MAML1: variants seen among roughly 807,000 people sequenced by gnomAD.
MAML1 encodes mastermind like transcriptional coactivator 1, also known as mastermind-like protein 1.
Under a neutral mutation model 77.1 loss-of-function variants are expected in MAML1, and 14 were observed. The observed-to-expected ratio is 0.18, with a 90% CI of 0.12 to 0.28. The LOEUF is 0.28. Ranked by LOEUF, MAML1 falls within the 10% of genes least tolerant of loss-of-function variation. MAML1 has a pLI of 1.00. For synonymous variants in MAML1, 516 were observed against 551.9 expected (o/e 0.93, Z 0.91); for missense variants, 1,217 against 1,327.8 (o/e 0.92, Z 1.30).
intron 1 of MAML1, among the ~76,000 whole-genome samples, chr5:179,738,808 T>C (rs1376558589): frequency 2.0e-5 from 3 of 150,304 alleles, no homozygotes; most frequent in Non-Finnish European, 4.4e-5. Flanking sequence ...GGAGACAGGG[T>C]CTCACTGTGT....
At chr5:179,738,191 T>G (rs969308697) in intron 1 of MAML1, among the ~76,000 whole-genome samples, 4 of 152,172 alleles carry the variant, frequency 2.6e-5, no homozygotes, top group African/African-American at 9.7e-5. Flanking sequence ...TTGCACATTC[T>G]CTCTCTCCCA....
At position 179,774,565 on chromosome 5, in the gene MAML1, C is replaced by T. The variant is rs1300450168; in HGVS notation, c.2739C>T (p.Ser913=). The T allele has an allele frequency of 7.4e-6, 12 of 1,612,448 alleles. No individual in the cohort carries two copies. Among genetic ancestry groups the T allele is most frequent in the Middle Eastern group, 1.6e-4 (1 of 6,078 alleles). ...LPPVSAQQRT[S]APAPAPPPTA... ...CAGTGAGTGCACAGCAGAGGACCAG[C>T]GCCCCTGCCCCAGCACCACCCCCAA... is the stretch of plus-strand genomic sequence containing the variant. The change falls in exon 5 of 5, where the codon AGC becomes AGT. Residue 913 remains serine (S), a synonymous_variant. Coordinates refer to ENST00000292599, the MANE Select transcript of MAML1 (RefSeq NM_014757.5).
chr5:179,745,859 CAAAAAAAA>C (rs36036714), intron 1 of MAML1, among the ~76,000 whole-genome samples: 1,456 of 63,466 alleles, frequency 0.023, 31 homozygotes, highest in African/African-American at 0.075. Flanking sequence ...AACTCCGTCT[CAAAAAAAA>C]AAAAAAAAAA....
intron 1 of MAML1, among the ~76,000 whole-genome samples, chr5:179,746,272 G>GGAGGCT (rs755124470): frequency 3.3e-5 from 5 of 152,026 alleles, no homozygotes; most frequent in Non-Finnish European, 7.4e-5. Context: ...CTTGAACCTG[G>GGAGGCT]GAGGCAGAGA....
chr5:179,761,327 G>C (rs1246913468), intron 1 of MAML1, among the ~76,000 whole-genome samples: 1 of 152,074 alleles, frequency 6.6e-6, no homozygotes, highest in Non-Finnish European at 1.5e-5. Context: ...CCAGGAGTTT[G>C]AGGCTGCCAT....
chr5:179,758,346 A>T (rs2113365009), intron 1 of MAML1, among the ~76,000 whole-genome samples: 1 of 151,622 alleles, frequency 6.6e-6, no homozygotes, highest in Admixed American at 6.6e-5. Context: ...TTTTACTAGC[A>T]GGAATTTTAG....
At chr5:179,759,660 T>A (rs1779688641) in intron 1 of MAML1, among the ~76,000 whole-genome samples, 1 of 152,198 alleles carries the variant, frequency 6.6e-6, no homozygotes, top group African/African-American at 2.4e-5. Context: ...ATACAGGGAC[T>A]GGGAGAGAAA....
chr5:179,766,411 G>T lies in MAML1; in HGVS notation c.1401G>T (p.Met467Ile). Residue 467 changes from methionine (M) to isoleucine (I), a missense_variant, in exon 2 of 5, where the codon ATG becomes ATT. Physicochemically the swap from Met to Ile is conservative, Grantham distance 10. Coordinates refer to ENST00000292599, the MANE Select transcript of MAML1 (RefSeq NM_014757.5). This position sits in a 1 kb window ranked among gnomAD's most constrained non-coding sequence, Gnocchi z 4.0. ...QDFTNSKLLM[M>I]PSVNKSSPRP... ...TCACTAACTCCAAACTGCTCATGATGCCTAGTGTGAATAAGAGTTCCCCTC... is the reference window on the plus strand; with the variant it reads ...TCACTAACTCCAAACTGCTCATGATTCCTAGTGTGAATAAGAGTTCCCCTC... 1 of 1,612,782 alleles carries T rather than the reference G, an allele frequency of 6.2e-7. No homozygotes were observed. The highest frequency in any genetic ancestry group is 8.5e-7 in the Non-Finnish European group (1 of 1,179,322).
intron 1 of MAML1, among the ~76,000 whole-genome samples, chr5:179,758,049 G>A (rs1413663820): frequency 6.6e-6 from 1 of 152,216 alleles, no homozygotes; most frequent in Non-Finnish European, 1.5e-5. Context: ...GGTGAAGGGT[G>A]CACAGGACCT....
At chr5:179,744,444 C>T (rs1318307324) in intron 1 of MAML1, among the ~76,000 whole-genome samples, 1 of 152,088 alleles carries the variant, frequency 6.6e-6, no homozygotes, top group Non-Finnish European at 1.5e-5. Context: ...CCTCGGCCTC[C>T]TAAAGTGCTG....
At chr5:179,752,229 G>A (rs917764082) in intron 1 of MAML1, among the ~76,000 whole-genome samples, 3 of 149,946 alleles carry the variant, frequency 2.0e-5, no homozygotes, top group Admixed American at 6.7e-5. Flanking sequence ...AAGAGGCTGA[G>A]GCAGGAGAAT....
chr5:179,738,645 C>T (rs977998122), intron 1 of MAML1, among the ~76,000 whole-genome samples: 1 of 152,190 alleles, frequency 6.6e-6, no homozygotes, highest in Non-Finnish European at 1.5e-5. Context: ...ATTCCATATT[C>T]TTCTTTCCCT....
chr5:179,763,838 G>A (rs1779763364), intron 1 of MAML1, among the ~76,000 whole-genome samples: 1 of 148,536 alleles, frequency 6.7e-6, no homozygotes, highest in Non-Finnish European at 1.5e-5. Flanking sequence ...AATAATGAGG[G>A]CTGTTACTTG....
intron 1 of MAML1, among the ~76,000 whole-genome samples, chr5:179,748,220 C>T (rs544524667): frequency 6.6e-6 from 1 of 152,150 alleles, no homozygotes; most frequent in South Asian, 2.1e-4. Flanking sequence ...GTAGCTGGGA[C>T]TACAGGTGCC....
At chr5:179,736,066 G>A (rs1048898687) in intron 1 of MAML1, among the ~76,000 whole-genome samples, 1 of 152,178 alleles carries the variant, frequency 6.6e-6, no homozygotes, top group Non-Finnish European at 1.5e-5. Context: ...CTTGGAGGCA[G>A]GGAGGGCTCA....
chr5:179,749,983 G>T (rs570128255), intron 1 of MAML1, among the ~76,000 whole-genome samples: 8 of 152,358 alleles, frequency 5.3e-5, no homozygotes, highest in African/African-American at 1.9e-4. Flanking sequence ...TTCCTCAGGA[G>T]GGGCTTTGTC....
chr5:179,767,118 T>TAC (rs916229303), intron 2 of MAML1, among the ~76,000 whole-genome samples: 1 of 128,552 alleles, frequency 7.8e-6, no homozygotes, highest in Non-Finnish European at 1.7e-5. Context: ...TTTTTTTTTT[T>TAC]ACTACCTTTC....
chr5:179,753,239 G>A (rs1017350902), intron 1 of MAML1, among the ~76,000 whole-genome samples: 4 of 151,904 alleles, frequency 2.6e-5, no homozygotes, highest in Non-Finnish European at 5.9e-5. Flanking sequence ...GCGCGCGCGC[G>A]TGCTGGGGTG....
intron 1 of MAML1, among the ~76,000 whole-genome samples, chr5:179,753,544 G>C (rs527599342): frequency 6.6e-6 from 1 of 151,934 alleles, no homozygotes; most frequent in African/African-American, 2.4e-5. Context: ...CTTACACACC[G>C]AGTGATTGAT....
Sources: allele counts gnomAD v4.1 joint callset (sites outside exome capture counted in the v4.1 genomes callset), GRCh38; gene constraint gnomAD v4.1.1; non-coding constraint Gnocchi (gnomAD v3.1); transcripts MANE v1.5; gene names NCBI Gene and HGNC (gene_info 2026-07-23, HGNC 2026-07-21).